Variants in NPAS2 observed in about 807,000 individuals in gnomAD.
The protein encoded by NPAS2 is neuronal PAS domain protein 2, also known as neuronal PAS domain-containing protein 2.
Under a neutral mutation model 107.5 loss-of-function variants are expected in NPAS2, and 23 were observed. The observed-to-expected ratio is 0.21, with a 90% CI of 0.15 to 0.30. The LOEUF (loss-of-function observed/expected upper bound fraction) is 0.30. Among genes scored for constraint, NPAS2 ranks in the 10% least tolerant of loss-of-function variants. The probability of loss-of-function intolerance (pLI) is 1.00; values close to 1 mark genes in which losing one functional copy is unlikely to be tolerated. For missense variants in NPAS2, 756 were observed against 1,043.3 expected (o/e 0.72, Z 3.79); for synonymous variants, 403 against 417.5 (o/e 0.97, Z 0.42).
In NPAS2 at chr2:100,966,063, TA is replaced by T. The variant is rs1385841143; in HGVS notation, c.907+299del. On this transcript the variant is annotated intron_variant, in intron 10 of 20. Coordinates refer to ENST00000335681, the MANE Select transcript of NPAS2 (RefSeq NM_002518.4). ...AAGGTGATGCAGGGATTTTTTTTTT[TA>T]AGTTATGCAATACATTTCAGAGATA... is the stretch of plus-strand genomic sequence containing the variant. Among the ~76,000 whole-genome samples, 6 of 152,198 alleles carry T rather than the reference TA, an allele frequency of 3.9e-5. No individual in the cohort carries two copies. In the East Asian group the frequency reaches 7.7e-4, roughly 20 times the overall value.
At chr2:100,986,529 G>A (rs1677791415) in intron 16 of NPAS2, 1 of 152,208 alleles carries the variant, frequency 6.6e-6, no homozygotes, top group Non-Finnish European at 1.5e-5. Flanking sequence ...CCAGGCTAAG[G>A]GCCTGATGGA....
chr2:100,977,237 C>G (rs1252798494), intron 14 of NPAS2: 1 of 188,960 alleles, frequency 5.3e-6, no homozygotes, highest in East Asian at 1.2e-4. Flanking sequence ...TGGATGAGTT[C>G]ATGGACAAAC....
intron 1 of NPAS2, among the ~76,000 whole-genome samples, chr2:100,847,578 G>C (rs1677861200): frequency 6.6e-6 from 1 of 152,150 alleles, no homozygotes; most frequent in Non-Finnish European, 1.5e-5. Context: ...CACCATGTTA[G>C]CCAGGATGGT....
chr2:100,828,424 G>C lies in NPAS2; in HGVS notation c.-23+8010G>C, dbSNP rs139818477. On this transcript the variant is annotated intron_variant, in intron 1 of 20. Coordinates refer to ENST00000335681, the MANE Select transcript of NPAS2 (RefSeq NM_002518.4). The stretch of plus-strand genomic sequence containing the variant: ...TCTTTAGTTTAATTAGGTCCCACTT[G>C]TTAATTTTTGTTTTTGTTGCAATGG... Among the ~76,000 whole-genome samples the C allele has an allele frequency of 3.9e-3, 595 of 152,190 alleles. 5 individuals are homozygous for C. Among genetic ancestry groups the C allele is most frequent in the African/African-American group, 0.014 (564 of 41,556 alleles).
intron 1 of NPAS2, among the ~76,000 whole-genome samples, chr2:100,863,891 C>T (rs541767166): frequency 6.6e-6 from 1 of 152,146 alleles, no homozygotes. Context: ...TGGACAGTGT[C>T]CTCCATCAGT....
intron 1 of NPAS2, among the ~76,000 whole-genome samples, chr2:100,837,783 G>A (rs146621049): frequency 1.1e-4 from 16 of 152,296 alleles, no homozygotes; most frequent in East Asian, 3.9e-4. Context: ...ACAGTTGGGC[G>A]TATGCTGGGA....
rs551897141 is a variant in NPAS2 at position 100,862,007 on chromosome 2, G to A, written c.-23+41593G>A. ...TATGTATACATATGTATGTCTATATGTAGTATTTAAAATCTTTGCTGTCAA... is the reference window on the plus strand; with the variant it reads ...TATGTATACATATGTATGTCTATATATAGTATTTAAAATCTTTGCTGTCAA... On this transcript the variant is annotated intron_variant, in intron 1 of 20. Coordinates refer to ENST00000335681, the MANE Select transcript of NPAS2 (RefSeq NM_002518.4). Among the ~76,000 whole-genome samples, 4 of 152,246 alleles carry A rather than the reference G, an allele frequency of 2.6e-5. No individual in the cohort carries two copies. In the South Asian group the frequency reaches 8.3e-4, roughly 32 times the overall value.
intron 1 of NPAS2, among the ~76,000 whole-genome samples, chr2:100,893,212 C>T (rs1573561560): frequency 6.6e-6 from 1 of 152,162 alleles, no homozygotes. Context: ...AAAATCATTA[C>T]CAAGCTCCCA....
intron 4 of NPAS2, among the ~76,000 whole-genome samples, chr2:100,934,330 A>G (rs1684169220): frequency 1.4e-5 from 2 of 145,828 alleles, no homozygotes; most frequent in African/African-American, 5.0e-5. Context: ...TTTTTTTCCC[A>G]GTTAGTTTCA....
intron 1 of NPAS2, among the ~76,000 whole-genome samples, chr2:100,836,085 A>G (rs1389907717): frequency 6.6e-6 from 1 of 152,196 alleles, no homozygotes; most frequent in Non-Finnish European, 1.5e-5. Flanking sequence ...TTGTAAGCAG[A>G]GATGCCAGGC....
In NPAS2 at chr2:100,993,379, C is replaced by G. The variant is rs1164099139; in HGVS notation, c.2144C>G (p.Pro715Arg). 2.5e-6 allele frequency: 4 copies of G among 1,605,402 alleles called. No individual in the cohort carries two copies. The Admixed American group carries it at 6.7e-5, about 27-fold the overall frequency. ...CAGAGCCAGACCGTGTTTCAAAATC[C>G]AGACGCACACCCCGCCAACAGCAGC... is the stretch of plus-strand genomic sequence containing the variant. ...YAQSQTVFQN[P>R]DAHPANSSSA... The change falls in exon 20 of 21, where the codon CCA (proline) becomes CGA (arginine). Residue 715 changes from proline (P) to arginine (R), a missense_variant. By Grantham distance (103) the Pro-to-Arg change is moderately radical. Around this residue, in one of 4 missense-constraint regions of NPAS2, gnomAD observed 496 missense variants for 594.4 expected, o/e 0.83. Coordinates refer to ENST00000335681, the MANE Select transcript of NPAS2 (RefSeq NM_002518.4).
chr2:100,945,181 G>T (rs771448149), intron 5 of NPAS2, among the ~76,000 whole-genome samples: 1 of 152,062 alleles, frequency 6.6e-6, no homozygotes, highest in African/African-American at 2.4e-5. Context: ...AGACCGGTGC[G>T]TCCGAGCCAG....
In NPAS2 at chr2:100,970,969, G is replaced by T. The variant is rs910474228; in HGVS notation, c.1056-21G>T. ...CCTGGAATGCCCCATCTCCACTGTG[G>T]TCTCTTAATTTCCTGTACAGTTACG... On this transcript the variant is annotated intron_variant, in intron 11 of 20. Transcript: ENST00000335681. The T allele has an allele frequency of 5.6e-6, 9 of 1,611,180 alleles. No homozygotes were observed. The East Asian group carries it at 6.7e-5, about 12-fold the overall frequency.
intron 15 of NPAS2, among the ~76,000 whole-genome samples, chr2:100,980,090 CTCTT>C (rs1182050883): frequency 6.6e-6 from 1 of 152,184 alleles, no homozygotes; most frequent in Non-Finnish European, 1.5e-5. Context: ...TAGAGTAGCT[CTCTT>C]TATCAAAAAC....
At position 100,932,811 on chromosome 2, in the gene NPAS2, G is replaced by C. The variant is rs920569499; in HGVS notation, c.182-99G>C. The C allele has an allele frequency of 5.8e-5, 49 of 843,466 alleles. No individual in the cohort carries two copies. The African/African-American group carries it at 7.1e-4, about 12-fold the overall frequency. 52.2% of individuals were successfully genotyped at this position (843,466 alleles called of 1,614,324 possible). A position where few individuals can be genotyped will look rare whatever the true frequency, so the allele number is the denominator to read the frequency against. ...GCTTCTTAAATTAAACTACACAGAA[G>C]TTTACACAAAATTACATAGAAGTAA... is the stretch of plus-strand genomic sequence containing the variant. On this transcript the variant is annotated intron_variant, in intron 3 of 20. Coordinates refer to ENST00000335681, the MANE Select transcript of NPAS2 (RefSeq NM_002518.4).
intron 1 of NPAS2, chr2:100,901,459 T>C (rs1485760831): frequency 2.1e-6 from 2 of 944,470 alleles, no homozygotes; most frequent in African/African-American, 3.5e-5. Flanking sequence ...GTTTGTGTTC[T>C]AGGAAAACCC....
At chr2:100,901,411 TG>T (rs1050296727) in intron 1 of NPAS2, 31 of 427,764 alleles carry the variant, frequency 7.2e-5, no homozygotes, top group South Asian at 9.9e-5. Flanking sequence ...GATTTCAAAC[TG>T]GGGGGGATGT....
chr2:100,987,638 G>A (rs1677853464), intron 16 of NPAS2: 1 of 164,626 alleles, frequency 6.1e-6, no homozygotes, highest in Admixed American at 6.2e-5. Flanking sequence ...AGGGCAATGT[G>A]GCCCATGCCA....
chr2:100,877,757 G>C (rs4622754), intron 1 of NPAS2, among the ~76,000 whole-genome samples: 141,764 of 152,246 alleles, frequency 0.93, 66,269 homozygotes, highest in East Asian at 1. Flanking sequence ...ACTCATCACC[G>C]AAGCAGCTTG....
Sources: allele counts gnomAD v4.1 joint callset (sites outside exome capture counted in the v4.1 genomes callset), GRCh38; gene constraint gnomAD v4.1.1; regional missense constraint gnomAD v4.1.1; transcripts MANE v1.5; gene names NCBI Gene and HGNC (gene_info 2026-07-23, HGNC 2026-07-21).